UQCRQ: variants seen among roughly 807,000 people sequenced by gnomAD.
UQCRQ encodes the protein ubiquinol-cytochrome c reductase complex III subunit VII.
In UQCRQ, 9 loss-of-function variants were observed where a neutral mutation model predicts 7.9. The observed-to-expected ratio is 1.13, with a 90% confidence interval of 0.68 to 1.98. The LOEUF is 1.98. Among genes scored for constraint, UQCRQ ranks in the 30% most tolerant of loss-of-function variants. The pLI is 0.00. For missense variants in UQCRQ, 112 were observed against 109.7 expected, an observed-to-expected ratio of 1.02 and a Z score of -0.10; for synonymous variants, 50 against 41.9, an observed-to-expected ratio of 1.19 and a Z score of -0.75.
chr5:132,867,699 T>C lies in UQCRQ; in HGVS notation c.*117T>C, dbSNP rs555978932. On this transcript the variant is annotated 3_prime_UTR_variant, in exon 3 of 3. Coordinates refer to ENST00000378670, the MANE Select transcript of UQCRQ (RefSeq NM_014402.5). ...TCCTATGGTCTGCACTGTTGTGATA[T>C]TACATTTTTGTGAGTAGAATCCTGT... 4.7e-6 allele frequency: 4 copies of C among 852,648 alleles called. No individual in the cohort carries two copies. The highest frequency in any genetic ancestry group is 1.4e-5 in the South Asian group (1 of 70,118). 52.8% of individuals were successfully genotyped at this position (852,648 alleles called of 1,614,324 possible).
rs116542012 is a variant in UQCRQ at position 132,868,386 on chromosome 5, A to G, written c.*804A>G. Among the ~76,000 whole-genome samples the G allele has an allele frequency of 3.9e-5, 6 of 152,306 alleles. No homozygotes were observed. In the South Asian group the frequency reaches 8.3e-4, roughly 21 times the overall value. On this transcript the variant is annotated 3_prime_UTR_variant, in exon 3 of 3. Transcript: ENST00000378670. ...GAAATGGGCACAGAGAGATTAAGTAATTTGCCAGAAATTATACAGCAGTGA... is the reference window on the plus strand; with the variant it reads ...GAAATGGGCACAGAGAGATTAAGTAGTTTGCCAGAAATTATACAGCAGTGA...
intron 2 of UQCRQ, 142 bp downstream of exon 2, chr5:132,867,177 G>A: frequency 1.8e-6 from 2 of 1,108,104 alleles, no homozygotes; most frequent in Non-Finnish European, 2.6e-6. Context: ...ATTCCTGACC[G>A]CCCTTAAGCT....
In UQCRQ at chr5:132,867,688, C is replaced by G. The variant is rs1759674426; in HGVS notation, c.*106C>G. On this transcript the variant is annotated 3_prime_UTR_variant, in exon 3 of 3. Coordinates refer to ENST00000378670, the MANE Select transcript of UQCRQ (RefSeq NM_014402.5). Reference sequence around the variant, plus strand: ...CACAATAAACTTCCTATGGTCTGCACTGTTGTGATATTACATTTTTGTGAG... The same window carrying G: ...CACAATAAACTTCCTATGGTCTGCAGTGTTGTGATATTACATTTTTGTGAG... 3 of 897,014 alleles carry G rather than the reference C, an allele frequency of 3.3e-6. No individual in the cohort carries two copies. The highest frequency in any genetic ancestry group is 2.0e-5 in the Admixed American group (1 of 50,310). 55.6% of individuals were successfully genotyped at this position (897,014 alleles called of 1,614,324 possible). A position where few individuals can be genotyped will look rare whatever the true frequency, so the allele number is the denominator to read the frequency against.
Position 132,867,024 on chromosome 5 carries a change from GC to G in UQCRQ, c.144del (p.Val49TrpfsTer6), listed in dbSNP as rs1759647090. The G allele has an allele frequency of 6.2e-7, 1 of 1,613,854 alleles. No homozygotes were observed. The highest frequency in any genetic ancestry group is 8.5e-7 in the Non-Finnish European group (1 of 1,179,924). On this transcript the variant is annotated frameshift_variant, in exon 2 of 3. Transcript: ENST00000378670. LOFTEE classifies it high-confidence loss of function. ...VLRRIRESFFRVVPQFVVFYL... is the reference protein window; with the variant it reads ...VLRRIRESFFXVVPQFVVFYL... ...CGCCGCATTCGGGAGTCTTTCTTTC[GC>G]GTGGTGCCGCGTGAGTGCCTTGGGC...
Position 132,867,740 on chromosome 5 carries a change from C to A in UQCRQ, c.*158C>A. ...AGAATCCTGTGTGACCACTAATATT[C>A]AAGTTCATGAAGCGCCCCTCCTCAG... On this transcript the variant is annotated 3_prime_UTR_variant, in exon 3 of 3. Transcript: ENST00000378670. 2 of 691,380 alleles carry A rather than the reference C, an allele frequency of 2.9e-6. No homozygotes were observed. The highest frequency in any genetic ancestry group is 1.6e-5 in the South Asian group (1 of 64,378). 42.8% of individuals were successfully genotyped at this position (691,380 alleles called of 1,614,324 possible).
At chr5:132,867,270 C>G in intron 2 of UQCRQ, 1 of 702,216 alleles carries the variant, frequency 1.4e-6, no homozygotes, top group Non-Finnish European at 2.4e-6. Context: ...TCGGGTGATT[C>G]CAGCATGTTC....
At position 132,866,965 on chromosome 5, in the gene UQCRQ, G is replaced by C; in HGVS notation, c.84G>C (p.Pro28=). Reference sequence around the variant, plus strand: ...CACCGTTCGAGCAGCGCGCCTATCCGCACGTCTTCACTAAAGGAATCCCCA... The same window carrying C: ...CACCGTTCGAGCAGCGCGCCTATCCCCACGTCTTCACTAAAGGAATCCCCA... ...SLSPFEQRAY[P]HVFTKGIPNV... Residue 28 remains proline (P), a synonymous_variant, in exon 2 of 3, where the codon CCG becomes CCC. Coordinates refer to ENST00000378670, the MANE Select transcript of UQCRQ (RefSeq NM_014402.5). The C allele has an allele frequency of 6.2e-7, 1 of 1,614,120 alleles. No homozygotes were observed. The highest frequency in any genetic ancestry group is 8.5e-7 in the Non-Finnish European group (1 of 1,179,982).
At position 132,867,613 on chromosome 5, in the gene UQCRQ, C is replaced by G. The variant is rs370276645; in HGVS notation, c.*31C>G. ...GCATCCGGATGACGGTTCCCTGTCT[C>G]TGAAAGACCTTTCTCTGGAAGAGGA... On this transcript the variant is annotated 3_prime_UTR_variant, in exon 3 of 3. Transcript: ENST00000378670. The G allele has an allele frequency of 2.5e-6, 4 of 1,569,476 alleles. No individual in the cohort carries two copies. The highest frequency in any genetic ancestry group is 3.5e-6 in the Non-Finnish European group (4 of 1,140,610).
chr5:132,867,068 T>TGGACCCC, intron 2 of UQCRQ, 33 bp downstream of exon 2: 1 of 1,612,322 alleles, frequency 6.2e-7, no homozygotes, highest in Non-Finnish European at 8.5e-7. Flanking sequence ...AGCGGGAGGC[T>TGGACCCC]GGACCCCAGC....
chr5:132,867,648 G>A lies in UQCRQ; in HGVS notation c.*66G>A. The A allele has an allele frequency of 7.6e-7, 1 of 1,323,852 alleles. No individual in the cohort carries two copies. Among genetic ancestry groups the A allele is most frequent in the Non-Finnish European group, 1.1e-6 (1 of 924,350 alleles). The allele number at this position is 1,323,852 out of a possible 1,614,324, so 82.0% of individuals were successfully genotyped here. A position where few individuals can be genotyped will look rare whatever the true frequency, so the allele number is the denominator to read the frequency against. On this transcript the variant is annotated 3_prime_UTR_variant, in exon 3 of 3. Transcript: ENST00000378670. ...TTTCTCTGGAAGAGGAGTCTGCATT[G>A]TAGTGTCTCAAAGACACAATAAACT...
chr5:132,867,125 C>T (rs1226378916), intron 2 of UQCRQ, 90 bp downstream of exon 2: 1 of 1,556,342 alleles, frequency 6.4e-7, no homozygotes, highest in Non-Finnish European at 8.8e-7. Flanking sequence ...GGCGGCCGGG[C>T]AGGCGCTCTG....
chr5:132,867,384 C>A, intron 2 of UQCRQ, 104 bp from the exon 3 acceptor site: 2 of 894,706 alleles, frequency 2.2e-6, no homozygotes, highest in Non-Finnish European at 3.6e-6. Flanking sequence ...ATGCTAAGAA[C>A]TACTGAAGTG....
At chr5:132,867,199 C>A in intron 2 of UQCRQ, 164 bp downstream of exon 2, 2 of 954,316 alleles carry the variant, frequency 2.1e-6, no homozygotes, top group Non-Finnish European at 3.1e-6. Flanking sequence ...GTCATATTAT[C>A]CTCCCCATCT....
intron 2 of UQCRQ, 31 bp downstream of exon 2, chr5:132,867,066 G>GC (rs748903172): frequency 3.1e-6 from 5 of 1,612,496 alleles, no homozygotes; most frequent in Non-Finnish European, 4.2e-6. Flanking sequence ...GGAGCGGGAG[G>GC]CTGGACCCCA....
Position 132,866,915 on chromosome 5 carries a change from C to T in UQCRQ, c.34C>T (p.Arg12Trp), listed in dbSNP as rs1561468910. The T allele has an allele frequency of 6.2e-7, 1 of 1,614,026 alleles. No individual in the cohort carries two copies. The highest frequency in any genetic ancestry group is 8.5e-7 in the Non-Finnish European group (1 of 1,179,956). ...CGAGTTTGGGAATCTGACGCGGATG[C>T]GGCATGTGATCAGCTACAGCTTGTC... is the stretch of plus-strand genomic sequence containing the variant. ...GREFGNLTRMRHVISYSLSPF... is the reference protein window; with the variant it reads ...GREFGNLTRMWHVISYSLSPF... Residue 12 changes from arginine (R) to tryptophan (W), a missense_variant, in exon 2 of 3, where the codon CGG (arginine) becomes TGG (tryptophan). Physicochemically the swap from Arg to Trp is moderately radical, Grantham distance 101 (BLOSUM62 -3). Transcript: ENST00000378670.
chr5:132,866,821 G>A, intron 1 of UQCRQ, 48 bp from the exon 2 acceptor site: 3 of 1,601,816 alleles, frequency 1.9e-6, no homozygotes, highest in Non-Finnish European at 2.5e-6. Flanking sequence ...GGGGACTGCG[G>A]CGCTTCGCGA....
chr5:132,866,910 G>A lies in UQCRQ; in HGVS notation c.29G>A (p.Arg10Gln). The part of the protein sequence containing the change: MGREFGNLT[R>Q]MRHVISYSLS... ...GGCCGCGAGTTTGGGAATCTGACGC[G>A]GATGCGGCATGTGATCAGCTACAGC... Residue 10 changes from arginine to glutamine, a missense_variant, in exon 2 of 3, where the codon CGG becomes CAG. Arg to Gln is a conservative substitution (Grantham distance 43, BLOSUM62 1). Transcript: ENST00000378670. The A allele has an allele frequency of 6.2e-7, 1 of 1,614,040 alleles. No homozygotes were observed. The highest frequency in any genetic ancestry group is 8.5e-7 in the Non-Finnish European group (1 of 1,179,960).
chr5:132,867,103 C>T (rs1025104560), intron 2 of UQCRQ, 68 bp downstream of exon 2: 4 of 1,599,246 alleles, frequency 2.5e-6, no homozygotes, highest in Non-Finnish European at 3.4e-6. Context: ...CTGCGCCTCC[C>T]CTCTGAGCGC....
rs978610190 is a variant in UQCRQ at position 132,868,491 on chromosome 5, G to A, written c.*909G>A. On this transcript the variant is annotated 3_prime_UTR_variant, in exon 3 of 3. Transcript: ENST00000378670. ...GTGTCCAATCTTTTAGCTTCCCTGG[G>A]CCACACATAAAATACGCTAACATTA... is the stretch of plus-strand genomic sequence containing the variant. 6.6e-6 allele frequency among the ~76,000 whole-genome samples: 1 copy of A among 152,116 alleles called. No individual in the cohort carries two copies. Among genetic ancestry groups the A allele is most frequent in the Non-Finnish European group, 1.5e-5 (1 of 68,016 alleles).
Sources: allele counts gnomAD v4.1 joint callset (sites outside exome capture counted in the v4.1 genomes callset), GRCh38; gene constraint gnomAD v4.1.1; transcripts MANE v1.5; gene names NCBI Gene and HGNC (gene_info 2026-07-23, HGNC 2026-07-21).